ERCC6L2: variants seen among roughly 807,000 people sequenced by gnomAD.
The protein encoded by ERCC6L2 is DNA excision repair protein ERCC-6-like 2.
Under a neutral mutation model 132.0 loss-of-function variants are expected in ERCC6L2, and 77 were observed. The ratio of observed to expected loss-of-function variants is 0.58; its 90% CI spans 0.49 to 0.71. ERCC6L2 has a LOEUF of 0.71. ERCC6L2 is among the 30% of genes least tolerant of loss of function. The pLI is 0.00. For missense variants in ERCC6L2, 1,542 were observed against 1,837.6 expected (o/e 0.84, Z 2.94); for synonymous variants, 583 against 632.4 (o/e 0.92, Z 1.17).
chr9:96,035,593 TCGACAGAATGA>T (rs1834510191), intron 19 of ERCC6L2, among the ~76,000 whole-genome samples: 1 of 152,116 alleles, frequency 6.6e-6, no homozygotes, highest in Non-Finnish European at 1.5e-5. Flanking sequence ...ACCTGAACAC[TCGACAGAATGA>T]CCTGCCTGCC....
intron 16 of ERCC6L2, 118 bp from the exon 17 acceptor site, chr9:95,977,943 A>G (rs1399204564): frequency 1.2e-5 from 7 of 582,314 alleles, no homozygotes; most frequent in Admixed American, 4.7e-5. Flanking sequence ...TATTTTTCCT[A>G]AAGAATATTG....
At chr9:95,995,973 C>T (rs951475713) in intron 17 of ERCC6L2, among the ~76,000 whole-genome samples, 3 of 152,162 alleles carry the variant, frequency 2.0e-5, no homozygotes, top group African/African-American at 7.2e-5. Flanking sequence ...TTTAATTGTT[C>T]AACTTTAAAG....
In ERCC6L2 at chr9:96,012,249, T is replaced by C. The variant is rs777852645; in HGVS notation, c.3699T>C (p.Ser1233=). Residue 1233 remains serine, a synonymous_variant, in exon 19 of 19, where the codon TCT becomes TCC. Transcript: ENST00000653738. ...GAAAACAATTTGAAGAAATGGCCTC[T>C]TATTTTAACTCGTCTTCTGTAAACG... ...IRRKQFEEMA[S]YFNSSSVNEF... 3.1e-6 allele frequency: 4 copies of C among 1,275,810 alleles called. No homozygotes were observed. Among genetic ancestry groups the C allele is most frequent in the East Asian group, 9.7e-5 (2 of 20,562 alleles). 79.0% of individuals were successfully genotyped at this position (1,275,810 alleles called of 1,614,324 possible).
chr9:95,952,387 T>C (rs1376304237), intron 12 of ERCC6L2, among the ~76,000 whole-genome samples: 2 of 152,036 alleles, frequency 1.3e-5, no homozygotes, highest in Admixed American at 6.6e-5. Flanking sequence ...CAGCAGCATA[T>C]TGAAAGGATG....
In ERCC6L2 at chr9:95,972,471, C is replaced by T. The variant is rs139219722; in HGVS notation, c.2720C>T (p.Thr907Ile). ...GAAGATAGTGATGTCATCTGTCCTA[C>T]ACAATACACAACTGAGAGATTCCCC... ...ESEDSDVICPTQYTTERFPDN... is the reference protein window; with the variant it reads ...ESEDSDVICPIQYTTERFPDN... The change falls in exon 16 of 19, where the codon ACA becomes ATA. Residue 907 changes from threonine to isoleucine, a missense_variant. Physicochemically the swap from Thr to Ile is moderately conservative, Grantham distance 89. Coordinates refer to ENST00000653738, the MANE Select transcript of ERCC6L2 (RefSeq NM_020207.7). 22 of 1,289,550 alleles carry T rather than the reference C, an allele frequency of 1.7e-5. No homozygotes were observed. In the African/African-American group the frequency reaches 3.0e-4, roughly 18 times the overall value. The allele number at this position is 1,289,550 out of a possible 1,614,324, so 79.9% of individuals were successfully genotyped here.
chr9:95,924,712 A>G (rs559854025), intron 9 of ERCC6L2, among the ~76,000 whole-genome samples: 1 of 152,258 alleles, frequency 6.6e-6, no homozygotes, highest in South Asian at 2.1e-4. Flanking sequence ...CTTGTAAAAT[A>G]TACTTTTAAA....
chr9:95,896,860 T>A (rs1348431791), intron 2 of ERCC6L2, among the ~76,000 whole-genome samples: 1 of 152,208 alleles, frequency 6.6e-6, no homozygotes, highest in African/African-American at 2.4e-5. Flanking sequence ...TGGTTCTGGT[T>A]CTTGGAAGAA....
intron 2 of ERCC6L2, among the ~76,000 whole-genome samples, chr9:95,882,909 G>C (rs72758429): frequency 6.6e-6 from 1 of 152,206 alleles, no homozygotes; most frequent in Non-Finnish European, 1.5e-5. Flanking sequence ...CCTGTAGGTG[G>C]AGGATAGACA....
At chr9:95,887,672 T>G (rs1017743712) in intron 2 of ERCC6L2, among the ~76,000 whole-genome samples, 5 of 152,188 alleles carry the variant, frequency 3.3e-5, no homozygotes, top group Non-Finnish European at 7.3e-5. Flanking sequence ...AGATGTATAG[T>G]AAACCTCACT....
intron 17 of ERCC6L2, among the ~76,000 whole-genome samples, chr9:95,982,244 C>T (rs1832924145): frequency 6.6e-6 from 1 of 152,174 alleles, no homozygotes; most frequent in South Asian, 2.1e-4. Context: ...TTTTATATAA[C>T]CAGTGCAGGT....
intron 19 of ERCC6L2, among the ~76,000 whole-genome samples, chr9:96,035,750 T>A (rs1834511596): frequency 6.6e-6 from 1 of 152,234 alleles, no homozygotes; most frequent in South Asian, 2.1e-4. Flanking sequence ...TCTTTCTTCC[T>A]GGATGTAGGA....
intron 17 of ERCC6L2, among the ~76,000 whole-genome samples, chr9:95,985,713 A>T (rs1333173657): frequency 6.6e-6 from 1 of 152,138 alleles, no homozygotes; most frequent in Non-Finnish European, 1.5e-5. Context: ...TCCGTAGTAT[A>T]CGAGGCCTGT....
At chr9:95,876,160 T>G in intron 1 of ERCC6L2, 76 bp downstream of exon 1, 8 of 1,423,992 alleles carry the variant, frequency 5.6e-6, no homozygotes, top group Non-Finnish European at 7.7e-6. Context: ...GCCGGTGCCC[T>G]TCGGGTTGGG....
intron 17 of ERCC6L2, among the ~76,000 whole-genome samples, chr9:95,997,637 G>A (rs759621473): frequency 6.6e-6 from 1 of 152,176 alleles, no homozygotes; most frequent in Non-Finnish European, 1.5e-5. Flanking sequence ...TTGTGGTGGT[G>A]GTCCAGGACC....
chr9:95,941,344 T>G (rs1830787763), intron 11 of ERCC6L2, 110 bp from the exon 12 acceptor site: 1 of 652,080 alleles, frequency 1.5e-6, no homozygotes, highest in African/African-American at 1.8e-5. Flanking sequence ...TTGATGAAAT[T>G]AATGCAATAT....
At chr9:96,003,337 T>C (rs1833753471) in intron 17 of ERCC6L2, among the ~76,000 whole-genome samples, 1 of 152,220 alleles carries the variant, frequency 6.6e-6, no homozygotes, top group Non-Finnish European at 1.5e-5. Context: ...TCTATGGTTT[T>C]CACTAGTTCT....
chr9:96,022,829 G>GC (rs113321307), downstream of ERCC6L2, among the ~76,000 whole-genome samples: 445 of 152,170 alleles, frequency 2.9e-3, 1 homozygote, highest in African/African-American at 0.01. Flanking sequence ...CAGCCCCGGC[G>GC]CCCCCCACAG....
intron 2 of ERCC6L2, among the ~76,000 whole-genome samples, chr9:95,890,604 TATACAAGATC>T (rs1828106429): frequency 6.6e-6 from 1 of 152,232 alleles, no homozygotes; most frequent in Non-Finnish European, 1.5e-5. Context: ...TTGTTTATTA[TATACAAGATC>T]ATATGCAAGA....
In ERCC6L2 at chr9:95,907,074, T is replaced by C; in HGVS notation, c.595-4T>C. On this transcript the variant is annotated splice_polypyrimidine_tract_variant and splice_region_variant and intron_variant, in intron 3 of 18. Coordinates refer to ENST00000653738, the MANE Select transcript of ERCC6L2 (RefSeq NM_020207.7). ...ACAGCAAAATTTTTTTATTCTTGTTTTAGATGTTCTTAATAGTTGCTCCTC... is the reference window on the plus strand; with the variant it reads ...ACAGCAAAATTTTTTTATTCTTGTTCTAGATGTTCTTAATAGTTGCTCCTC... 1 of 1,584,828 alleles carries C rather than the reference T, an allele frequency of 6.3e-7. No individual in the cohort carries two copies. The highest frequency in any genetic ancestry group is 8.5e-7 in the Non-Finnish European group (1 of 1,172,668).
Sources: gnomAD v4.1 joint callset for allele counts (sites outside exome capture counted in the v4.1 genomes callset) on GRCh38, gnomAD v4.1.1 for gene constraint, MANE v1.5 for transcripts, NCBI Gene and HGNC (gene_info 2026-07-23, HGNC 2026-07-21) for gene names.